The following SSPN variants were observed in gnomAD, a reference collection of about 807,000 sequenced individuals.
SSPN encodes K-ras oncogene-associated protein.
A neutral mutation model predicts 19.1 loss-of-function variants in SSPN; 15 were observed. That is an observed-to-expected ratio of 0.78 (90% CI 0.52 to 1.21). The LOEUF is 1.21. Ranked by LOEUF, SSPN falls within the 50% of genes most tolerant of loss-of-function variation. The pLI is 0.00. For missense variants in SSPN, 291 were observed against 314.0 expected (o/e 0.93, Z 0.55); for synonymous variants, 147 against 140.3 (o/e 1.05, Z -0.34).
chr12:26,132,252 A>G (rs1944401015), intron 1 of SSPN, among the ~76,000 whole-genome samples: 2 of 152,212 alleles, frequency 1.3e-5, no homozygotes, highest in South Asian at 2.1e-4. Context: ...CTCCTATCCA[A>G]TCCTCATCCA....
chr12:26,148,140 T>C (rs879427363), intron 1 of SSPN, among the ~76,000 whole-genome samples: 5 of 152,204 alleles, frequency 3.3e-5, no homozygotes, highest in East Asian at 1.9e-4. Context: ...TGAATTAACG[T>C]AGGGCTCTTA....
chr12:26,213,399 G>A (rs771458961), intron 1 of SSPN, among the ~76,000 whole-genome samples: 9 of 152,138 alleles, frequency 5.9e-5, no homozygotes, highest in African/African-American at 1.2e-4. Flanking sequence ...TGATGAAACC[G>A]AGGCTCCAAG....
chr12:26,223,213 G>GT (rs1457809854), intron 1 of SSPN, among the ~76,000 whole-genome samples: 5 of 151,980 alleles, frequency 3.3e-5, no homozygotes, highest in Admixed American at 2.0e-4. Context: ...TGCTCTATAT[G>GT]TTTTTTGTTT....
exon 1 of SSPN, chr12:26,122,012 G>A (rs1338308368): frequency 6.5e-7 from 1 of 1,545,700 alleles, no homozygotes; most frequent in Non-Finnish European, 8.7e-7. Context: ...ACCTCCTTAA[G>A]GGTATTTTAA....
rs573100940 is a variant in SSPN at position 26,209,884 on chromosome 12, G to A, written c.279+13933G>A. 4.6e-5 allele frequency among the ~76,000 whole-genome samples: 7 copies of A among 151,326 alleles called. No individual in the cohort carries two copies. In the East Asian group the frequency reaches 1.2e-3, roughly 25 times the overall value. On this transcript the variant is annotated intron_variant, in intron 1 of 2. Transcript: ENST00000242729. Reference sequence around the variant, plus strand: ...CCTTCACTAATAATTAATTCTTCAAGTGTTTGCTAATTTTGGTTTGTGAGT... The same window carrying A: ...CCTTCACTAATAATTAATTCTTCAAATGTTTGCTAATTTTGGTTTGTGAGT...
intron 1 of SSPN, among the ~76,000 whole-genome samples, chr12:26,132,301 T>C (rs1457315270): frequency 6.6e-6 from 1 of 152,218 alleles, no homozygotes; most frequent in Admixed American, 6.5e-5. Context: ...AACTGTGCAC[T>C]GTGATGGGTT....
intron 1 of SSPN, among the ~76,000 whole-genome samples, chr12:26,222,099 C>T (rs982059148): frequency 9.9e-5 from 15 of 152,170 alleles, no homozygotes; most frequent in Admixed American, 9.8e-4. Flanking sequence ...AAAGCTGCCT[C>T]CCTGGGTCCT....
intron 1 of SSPN, among the ~76,000 whole-genome samples, chr12:26,153,891 A>G (rs755785044): frequency 5.3e-5 from 8 of 152,232 alleles, no homozygotes; most frequent in Non-Finnish European, 1.2e-4. Context: ...GGATGAGCCC[A>G]GAAACAGAAC....
intron 1 of SSPN, chr12:26,124,196 C>T (rs1871557): frequency 2.1e-5 from 31 of 1,510,988 alleles, no homozygotes; most frequent in African/African-American, 4.1e-5. Context: ...ATATGAGAGT[C>T]ATGGAAAAGA....
At chr12:26,183,270 C>A (rs768119847) in intron 1 of SSPN, among the ~76,000 whole-genome samples, 1 of 152,092 alleles carries the variant, frequency 6.6e-6, no homozygotes, top group Non-Finnish European at 1.5e-5. Flanking sequence ...TATATCATAC[C>A]TACCTTTTCT....
chr12:26,195,507 G>T, upstream of SSPN: 1 of 1,180,424 alleles, frequency 8.5e-7, no homozygotes, highest in Non-Finnish European at 1.1e-6. Flanking sequence ...TCTGCTGCGG[G>T]CTCCCCGTGG....
intron 1 of SSPN, among the ~76,000 whole-genome samples, chr12:26,188,681 C>T (rs1233097932): frequency 1.3e-5 from 2 of 152,334 alleles, no homozygotes; most frequent in South Asian, 4.1e-4. Flanking sequence ...CCAGATCACA[C>T]CATGACTATT....
In SSPN at chr12:26,202,672, C is replaced by T. The variant is rs539036736; in HGVS notation, c.279+6721C>T. Among the ~76,000 whole-genome samples the T allele has an allele frequency of 3.3e-5, 5 of 152,288 alleles. No homozygotes were observed. The East Asian group carries it at 9.6e-4, about 29-fold the overall frequency. On this transcript the variant is annotated intron_variant, in intron 1 of 2. Coordinates refer to ENST00000242729, the MANE Select transcript of SSPN (RefSeq NM_005086.5). ...TGTGGTCTGAGAAAATGGGTGTTTT[C>T]TAGATTTGCTCTTGCCTTTAGCTGT... is the stretch of plus-strand genomic sequence containing the variant.
intron 1 of SSPN, among the ~76,000 whole-genome samples, chr12:26,174,310 C>T (rs1484791614): frequency 1.3e-5 from 2 of 152,150 alleles, no homozygotes; most frequent in East Asian, 3.8e-4. Flanking sequence ...CAAATACTGA[C>T]CACATCTACC....
At chr12:26,171,232 A>G (rs1017160690) in intron 1 of SSPN, among the ~76,000 whole-genome samples, 1 of 152,234 alleles carries the variant, frequency 6.6e-6, no homozygotes, top group Non-Finnish European at 1.5e-5. Flanking sequence ...GAGTATGTAT[A>G]TAAATAAATG....
At chr12:26,149,595 T>C (rs1267055426) in intron 1 of SSPN, among the ~76,000 whole-genome samples, 2 of 152,238 alleles carry the variant, frequency 1.3e-5, no homozygotes, top group Admixed American at 1.3e-4. Flanking sequence ...CTTATAGATT[T>C]CTTGTGAGAG....
chr12:26,137,926 A>G (rs1944438216), intron 1 of SSPN, among the ~76,000 whole-genome samples: 1 of 151,658 alleles, frequency 6.6e-6, no homozygotes, highest in Non-Finnish European at 1.5e-5. Flanking sequence ...TCAGCCTCCC[A>G]AAGTGCTGGG....
chr12:26,192,984 C>T (rs1268397177), upstream of SSPN, among the ~76,000 whole-genome samples: 1 of 152,146 alleles, frequency 6.6e-6, no homozygotes, highest in African/African-American at 2.4e-5. Context: ...AATTGCATGA[C>T]AATTTGGCAG....
Position 26,201,030 on chromosome 12 carries a change from TATATATATATATATATTA to T in SSPN, c.279+5080_279+5097del, listed in dbSNP as rs1283274502. ...ATTTGTGTATATATATATATATATA[TATATATATATATATATTA>T]TATATATATATTTGGAAATAAAATG... On this transcript the variant is annotated intron_variant, in intron 1 of 2. Coordinates refer to ENST00000242729, the MANE Select transcript of SSPN (RefSeq NM_005086.5). 1.1e-3 allele frequency among the ~76,000 whole-genome samples: 40 copies of T among 35,576 alleles called. No homozygotes were observed. In the East Asian group the frequency reaches 0.013, roughly 11 times the overall value. The allele number at this position is 35,576 out of a possible 152,430, so 23.3% of individuals were successfully genotyped here.
Sources: gnomAD v4.1 joint callset for allele counts (sites outside exome capture counted in the v4.1 genomes callset) on GRCh38, gnomAD v4.1.1 for gene constraint, MANE v1.5 for transcripts, NCBI Gene and HGNC (gene_info 2026-07-23, HGNC 2026-07-21) for gene names.